The following GNPDA1 variants were observed in gnomAD, a reference collection of about 807,000 sequenced individuals.
GNPDA1 encodes the protein GNPDA 1.
A neutral mutation model predicts 28.5 loss-of-function variants in GNPDA1; 24 were observed. The ratio of observed to expected loss-of-function variants is 0.84; its 90% CI spans 0.61 to 1.19. The LOEUF (loss-of-function observed/expected upper bound fraction) is 1.19. Ranked by LOEUF, GNPDA1 falls within the 50% of genes most tolerant of loss-of-function variation. GNPDA1 has a pLI of 0.00. For synonymous variants in GNPDA1, 147 were observed against 139.3 expected (o/e 1.06, Z -0.39); for missense variants, 264 against 367.3 (o/e 0.72, Z 2.30).
At chr5:142,012,264 T>G in intron 1 of GNPDA1, 1 of 407,254 alleles carries the variant, frequency 2.5e-6, no homozygotes, top group Non-Finnish European at 4.5e-6. Context: ...AGATCTGGGT[T>G]CTAATCTCAG....
intron 3 of GNPDA1, among the ~76,000 whole-genome samples, chr5:142,006,761 A>T (rs573822762): frequency 6.6e-6 from 1 of 152,132 alleles, no homozygotes; most frequent in East Asian, 1.9e-4. Context: ...CAGCCTGAAT[A>T]AATCCCAGCT....
At chr5:142,011,353 C>G (rs1755950821) in intron 2 of GNPDA1, among the ~76,000 whole-genome samples, 1 of 152,002 alleles carries the variant, frequency 6.6e-6, no homozygotes, top group African/African-American at 2.4e-5. Context: ...CCATCCATCT[C>G]TGAAAGAAAT....
intron 6 of GNPDA1, among the ~76,000 whole-genome samples, chr5:142,002,405 C>A (rs1755697093): frequency 1.3e-5 from 2 of 152,184 alleles, no homozygotes; most frequent in African/African-American, 2.4e-5. Flanking sequence ...AATTGACCTA[C>A]TTGAGTAAAA....
chr5:142,006,362 C>T, intron 3 of GNPDA1, 36 bp from the exon 4 acceptor site: 1 of 1,502,654 alleles, frequency 6.7e-7, no homozygotes, highest in Non-Finnish European at 9.2e-7. Flanking sequence ...ATGCCTAGGC[C>T]AAGCCAAAGC....
intron 2 of GNPDA1, among the ~76,000 whole-genome samples, chr5:142,008,610 C>T (rs909519196): frequency 2.8e-4 from 43 of 152,172 alleles, no homozygotes; most frequent in African/African-American, 9.2e-4. Context: ...GCCTGTAATC[C>T]CAGCTACTCG....
At position 142,004,958 on chromosome 5, in the gene GNPDA1, C is replaced by T. The variant is rs1265435429; in HGVS notation, c.568G>A (p.Val190Met). The change falls in exon 5 of 7, where the codon GTG (valine) becomes ATG (methionine). Residue 190 changes from valine (V) to methionine (M), a missense_variant. Physicochemically the swap from Val to Met is conservative, Grantham distance 21. Coordinates refer to ENST00000311337, the MANE Select transcript of GNPDA1 (RefSeq NM_005471.5). ...TCTCTAGCATCCATGACAGTGCCCA[C>T]CCCCACCGTCAAGGCCATGGTGGGC... The part of the protein sequence containing the change: ...KVPTMALTVG[V>M]GTVMDAREVM... 6.2e-7 allele frequency: 1 copy of T among 1,608,614 alleles called. No individual in the cohort carries two copies. Among genetic ancestry groups the T allele is most frequent in the Non-Finnish European group, 8.5e-7 (1 of 1,175,548 alleles).
Position 142,005,020 on chromosome 5 carries a change from G to T in GNPDA1, c.506C>A (p.Ala169Asp), listed in dbSNP as rs545628408. 3.1e-6 allele frequency: 5 copies of T among 1,613,640 alleles called. No homozygotes were observed. The East Asian group carries it at 1.1e-4, about 36-fold the overall frequency. Residue 169 changes from alanine (A) to aspartate (D), a missense_variant, in exon 5 of 7, where the codon GCC (alanine) becomes GAC (aspartate). Coordinates refer to ENST00000311337, the MANE Select transcript of GNPDA1 (RefSeq NM_005471.5). Reference sequence around the variant, plus strand: ...TTCTCCATCGAAGAACCTAGCATTGGCCAGGATGGTATCCATGGCCAGCGT... The same window carrying T: ...TTCTCCATCGAAGAACCTAGCATTGTCCAGGATGGTATCCATGGCCAGCGT... Reference protein sequence around the residue: ...VKTLAMDTILANARFFDGELT... With the variant: ...VKTLAMDTILDNARFFDGELT...
chr5:142,006,503 A>G (rs559005856), intron 3 of GNPDA1, among the ~76,000 whole-genome samples, 177 bp from the exon 4 acceptor site: 7 of 152,322 alleles, frequency 4.6e-5, no homozygotes, highest in East Asian at 1.9e-4. Context: ...GCCAGTATCC[A>G]TAAGTGTCCA....
In GNPDA1 at chr5:142,005,134, G is replaced by T; in HGVS notation, c.410-18C>A. On this transcript the variant is annotated intron_variant, in intron 4 of 6. Transcript: ENST00000311337. Reference sequence around the variant, plus strand: ...GCCGATGCCTATAGGGAGAGAGCCCGTGCAGCCCTGTCAGTCCCAGGGATC... The same window carrying T: ...GCCGATGCCTATAGGGAGAGAGCCCTTGCAGCCCTGTCAGTCCCAGGGATC... The T allele has an allele frequency of 6.4e-6, 10 of 1,562,382 alleles. No homozygotes were observed. The highest frequency in any genetic ancestry group is 8.8e-6 in the Non-Finnish European group (10 of 1,139,214).
chr5:142,008,993 G>A (rs1004867102), intron 2 of GNPDA1, among the ~76,000 whole-genome samples: 3 of 152,072 alleles, frequency 2.0e-5, no homozygotes, highest in Admixed American at 6.6e-5. Context: ...GGAGATATGT[G>A]CTGAAGGATT....
chr5:142,011,281 AAC>A (rs3045628), intron 2 of GNPDA1, among the ~76,000 whole-genome samples: 106,474 of 149,862 alleles, frequency 0.71, 38,547 homozygotes, highest in Non-Finnish European at 0.79. Flanking sequence ...AGACCCCTCC[AAC>A]ACACACACAC....
At chr5:142,009,597 G>A (rs993494828) in intron 2 of GNPDA1, among the ~76,000 whole-genome samples, 1 of 152,098 alleles carries the variant, frequency 6.6e-6, no homozygotes, top group African/African-American at 2.4e-5. Context: ...CTGAGTGAAT[G>A]GCAGCTCCCC....
At chr5:142,005,888 G>A (rs1755789869) in intron 4 of GNPDA1, 1 of 377,836 alleles carries the variant, frequency 2.6e-6, no homozygotes, top group Admixed American at 3.7e-5. Context: ...AAAACCTTAA[G>A]ACTGGGGAGT....
At chr5:142,007,103 A>G (rs540866657) in intron 3 of GNPDA1, among the ~76,000 whole-genome samples, 83 of 152,314 alleles carry the variant, frequency 5.4e-4, no homozygotes, top group African/African-American at 1.9e-3. Flanking sequence ...TTGTTGTTTC[A>G]CGGGTATAGA....
chr5:142,005,150 C>A, intron 4 of GNPDA1, 34 bp from the exon 5 acceptor site: 2 of 1,508,830 alleles, frequency 1.3e-6, no homozygotes, highest in Admixed American at 3.7e-5. Context: ...CCCTGTCAGT[C>A]CCAGGGATCC....
chr5:142,004,502 A>G (rs745611742), intron 5 of GNPDA1, among the ~76,000 whole-genome samples: 1 of 152,250 alleles, frequency 6.6e-6, no homozygotes, highest in Non-Finnish European at 1.5e-5. Flanking sequence ...CACCACATTT[A>G]TTAATCTCTG....
chr5:142,011,722 G>A, intron 2 of GNPDA1, 190 bp downstream of exon 2: 2 of 539,780 alleles, frequency 3.7e-6, no homozygotes, highest in South Asian at 5.0e-5. Context: ...TGCAGGGACA[G>A]GCAGCGACTA....
At chr5:142,004,775 G>C in intron 5 of GNPDA1, 157 bp downstream of exon 5, 1 of 499,390 alleles carries the variant, frequency 2.0e-6, no homozygotes, top group Non-Finnish European at 3.6e-6. Context: ...TTCCAAAGAC[G>C]CAAGAGGAAC....
Position 142,007,794 on chromosome 5 carries a change from C to T in GNPDA1, c.226+5G>A, listed in dbSNP as rs1481175902. On this transcript the variant is annotated splice_donor_5th_base_variant and intron_variant, in intron 3 of 6. Coordinates refer to ENST00000311337, the MANE Select transcript of GNPDA1 (RefSeq NM_005471.5). ...AGGAAAGAACCTTGAAAGAGAAAGA[C>T]TCACCCACGTACTCATCCATGTTGA... The T allele has an allele frequency of 1.3e-6, 2 of 1,527,236 alleles. No homozygotes were observed. Among genetic ancestry groups the T allele is most frequent in the African/African-American group, 1.4e-5 (1 of 73,174 alleles). 94.6% of individuals were successfully genotyped at this position (1,527,236 alleles called of 1,614,324 possible). A position where few individuals can be genotyped will look rare whatever the true frequency, so the allele number is the denominator to read the frequency against.
Sources: allele counts gnomAD v4.1 joint callset (sites outside exome capture counted in the v4.1 genomes callset), GRCh38; gene constraint gnomAD v4.1.1; transcripts MANE v1.5; gene names NCBI Gene and HGNC (gene_info 2026-07-23, HGNC 2026-07-21).